KIAA1217: variants seen among roughly 807,000 people sequenced by gnomAD.
The protein encoded by KIAA1217 is KIAA1217, also known as sickle tail protein homolog.
Under a neutral mutation model 163.9 loss-of-function variants are expected in KIAA1217, and 88 were observed. The ratio of observed to expected loss-of-function variants is 0.54; its 90% CI spans 0.45 to 0.64. KIAA1217 has a LOEUF of 0.64. Ranked by LOEUF, KIAA1217 falls within the 30% of genes least tolerant of loss-of-function variation. KIAA1217 has a pLI of 0.00. For synonymous variants in KIAA1217, 903 were observed against 923.1 expected (o/e 0.98, Z 0.39); for missense variants, 2,372 against 2,475.0 (o/e 0.96, Z 0.88).
intron 1 of KIAA1217, among the ~76,000 whole-genome samples, chr10:23,882,916 G>A (rs1249446586): frequency 6.6e-6 from 1 of 151,940 alleles, no homozygotes; most frequent in African/African-American, 2.4e-5. Context: ...AAAACTTGGG[G>A]ACAGATGAGG....
At chr10:24,502,056 A>T (rs2067700582) in intron 9 of KIAA1217, among the ~76,000 whole-genome samples, 1 of 151,662 alleles carries the variant, frequency 6.6e-6, no homozygotes, top group African/African-American at 2.4e-5. Context: ...GCCTACAACC[A>T]CTTCTTTAAG....
chr10:24,281,926 G>A (rs932294578), intron 2 of KIAA1217, among the ~76,000 whole-genome samples: 8 of 152,036 alleles, frequency 5.3e-5, no homozygotes, highest in Middle Eastern at 6.8e-3. Flanking sequence ...GTGTGGTGGC[G>A]GGTGCCTGTA....
chr10:24,369,179 A>ATG (rs59687010), intron 2 of KIAA1217, among the ~76,000 whole-genome samples: 4,491 of 139,578 alleles, frequency 0.032, 74 homozygotes, highest in South Asian at 0.053. Context: ...AACTTTCACT[A>ATG]TGTGTGTGTG....
At chr10:23,941,443 T>C (rs556372856) in intron 1 of KIAA1217, among the ~76,000 whole-genome samples, 1 of 152,206 alleles carries the variant, frequency 6.6e-6, no homozygotes, top group Non-Finnish European at 1.5e-5. Flanking sequence ...TGACCCTGGA[T>C]AATGGGACCA....
chr10:23,832,776 A>G (rs1838271498), intron 1 of KIAA1217, among the ~76,000 whole-genome samples: 1 of 152,222 alleles, frequency 6.6e-6, no homozygotes, highest in South Asian at 2.1e-4. Context: ...CTGCTGATAA[A>G]GACATACCTG....
At chr10:23,918,733 T>TATATATACACACAC (rs769797460) in intron 1 of KIAA1217, among the ~76,000 whole-genome samples, 124 of 147,584 alleles carry the variant, frequency 8.4e-4, no homozygotes, top group African/African-American at 2.9e-3. Context: ...ATTAAATATA[T>TATATATACACACAC]ACACACACAC....
intron 5 of KIAA1217, among the ~76,000 whole-genome samples, chr10:24,458,155 C>G (rs1316969722): frequency 6.6e-6 from 1 of 152,214 alleles, no homozygotes; most frequent in Non-Finnish European, 1.5e-5. Context: ...AGGGCATGTA[C>G]AGCTCCCAAA....
intron 2 of KIAA1217, among the ~76,000 whole-genome samples, chr10:24,157,264 T>C (rs1018661095): frequency 2.8e-4 from 42 of 152,224 alleles, no homozygotes; most frequent in African/African-American, 1.0e-3. Context: ...TTGAATATTT[T>C]TTGTGTGCTA....
At chr10:23,817,737 G>A (rs1837373243) in intron 1 of KIAA1217, among the ~76,000 whole-genome samples, 1 of 151,756 alleles carries the variant, frequency 6.6e-6, no homozygotes, top group Non-Finnish European at 1.5e-5. Context: ...AATAGTACTA[G>A]TCTCATTTTG....
rs2060233799 is a variant in KIAA1217, at chr10:24,438,398, C to T, written c.765C>T (p.Asp255=). 1.2e-6 allele frequency: 2 copies of T among 1,612,160 alleles called. No homozygotes were observed. Among genetic ancestry groups the T allele is most frequent in the Non-Finnish European group, 1.7e-6 (2 of 1,178,260 alleles). Residue 255 remains aspartate (D), a synonymous_variant, in exon 5 of 21, where the codon GAC becomes GAT. Transcript: ENST00000376454. ...YELNDVRNIQ[D]RSLLKVYNKD... The stretch of plus-strand genomic sequence containing the variant: ...TTTTTGATTCCAGGAACATTCAAGA[C>T]AGATCACTCCTCAAAGTGTACAACA...
intron 2 of KIAA1217, among the ~76,000 whole-genome samples, chr10:24,084,395 C>T (rs146476304): frequency 4.1e-4 from 62 of 152,262 alleles, no homozygotes; most frequent in African/African-American, 1.2e-3. Flanking sequence ...TCAAGAAATA[C>T]TTGTTGAATT....
At chr10:24,524,229 A>G in intron 12 of KIAA1217, 94 bp from the exon 13 acceptor site, 1 of 1,318,546 alleles carries the variant, frequency 7.6e-7, no homozygotes, top group Non-Finnish European at 1.1e-6. Flanking sequence ...GGGATGTGTG[A>G]CTCTCACCTG....
chr10:24,117,035 G>A (rs1260511523), intron 2 of KIAA1217, among the ~76,000 whole-genome samples: 2 of 147,254 alleles, frequency 1.4e-5, no homozygotes, highest in East Asian at 4.0e-4. Flanking sequence ...TCCAAATAGT[G>A]TTTTTTTTTT....
intron 2 of KIAA1217, among the ~76,000 whole-genome samples, chr10:24,128,457 G>T (rs771314718): frequency 6.6e-6 from 1 of 152,306 alleles, no homozygotes; most frequent in African/African-American, 2.4e-5. Context: ...ATCCTTATCA[G>T]TTGGAATGAA....
chr10:24,128,983 T>C (rs1317945876), intron 2 of KIAA1217, among the ~76,000 whole-genome samples: 1 of 152,232 alleles, frequency 6.6e-6, no homozygotes, highest in Non-Finnish European at 1.5e-5. Context: ...AGCTAAAGTT[T>C]AGTCGGAGTG....
chr10:24,543,136 T>G lies in KIAA1217; in HGVS notation c.3866T>G (p.Leu1289Arg). The change falls in exon 19 of 21, where the codon CTG (leucine) becomes CGG (arginine). Residue 1289 changes from leucine (L) to arginine (R), a missense_variant. Transcript: ENST00000376454. ...EINKGSKISG[L>R]QYSIPDTENQ... is the part of the protein sequence containing the mutation. ...AACAAAGGGTCTAAAATCTCAGGCC[T>G]GCAATACTCTATACCTGACACCGAG... The G allele has an allele frequency of 1.2e-6, 2 of 1,613,346 alleles. No homozygotes were observed. Among genetic ancestry groups the G allele is most frequent in the Non-Finnish European group, 1.7e-6 (2 of 1,179,948 alleles).
At chr10:24,229,912 C>A (rs2071134964) in intron 2 of KIAA1217, among the ~76,000 whole-genome samples, 1 of 151,988 alleles carries the variant, frequency 6.6e-6, no homozygotes, top group African/African-American at 2.4e-5. Context: ...ATAATAGCAC[C>A]AAAATCTCAC....
intron 2 of KIAA1217, among the ~76,000 whole-genome samples, chr10:24,375,073 A>G (rs2052288544): frequency 6.6e-6 from 1 of 152,204 alleles, no homozygotes; most frequent in African/African-American, 2.4e-5. Context: ...GGTGTGAGCC[A>G]CTGTACCTGA....
chr10:24,140,770 G>A (rs886755930), intron 2 of KIAA1217, among the ~76,000 whole-genome samples: 2 of 152,242 alleles, frequency 1.3e-5, no homozygotes, highest in African/African-American at 2.4e-5. Context: ...TTATCTAAAG[G>A]CCGTGCTTGA....
Sources: gnomAD v4.1 joint callset for allele counts (sites outside exome capture counted in the v4.1 genomes callset) on GRCh38, gnomAD v4.1.1 for gene constraint, MANE v1.5 for transcripts, NCBI Gene and HGNC (gene_info 2026-07-23, HGNC 2026-07-21) for gene names.